SIL1: variants seen among roughly 807,000 people sequenced by gnomAD.
SIL1 encodes the protein nucleotide exchange factor SIL1.
In SIL1, 40 loss-of-function variants were observed where a neutral mutation model predicts 49.1. That is an observed-to-expected ratio of 0.81 (90% CI 0.63 to 1.06). The LOEUF is 1.06. Ranked by LOEUF, SIL1 falls within the 50% of genes least tolerant of loss-of-function variation. The pLI is 0.00. For synonymous variants in SIL1, 253 were observed against 250.8 expected, an observed-to-expected ratio of 1.01 and a Z score of -0.08; for missense variants, 500 against 572.6, an observed-to-expected ratio of 0.87 and a Z score of 1.29.
chr5:139,130,369 C>T (rs745721437), intron 1 of SIL1, among the ~76,000 whole-genome samples: 4 of 152,058 alleles, frequency 2.6e-5, no homozygotes, highest in Non-Finnish European at 2.9e-5. Context: ...AATAGGGACA[C>T]GAAAAGGTTC....
At chr5:139,011,249 C>G (rs535865065) in intron 7 of SIL1, among the ~76,000 whole-genome samples, 145 of 151,958 alleles carry the variant, frequency 9.5e-4, no homozygotes, top group African/African-American at 3.4e-3. Flanking sequence ...TCACCCCTTT[C>G]TTTGACTCGG....
chr5:139,099,224 TATCATCTCATCTCAC>T (rs1770534316), intron 3 of SIL1, among the ~76,000 whole-genome samples: 1 of 152,112 alleles, frequency 6.6e-6, no homozygotes, highest in Admixed American at 6.5e-5. Context: ...TACAATGAGA[TATCATCTCATCTCAC>T]CCCAGTTAAA....
At chr5:139,104,418 C>T (rs1434227005) in intron 3 of SIL1, among the ~76,000 whole-genome samples, 2 of 152,216 alleles carry the variant, frequency 1.3e-5, no homozygotes, top group African/African-American at 4.8e-5. Flanking sequence ...TCCCACTCTG[C>T]TCCCTACTCT....
intron 1 of SIL1, among the ~76,000 whole-genome samples, chr5:139,192,514 T>C (rs145700388): frequency 6.6e-6 from 1 of 152,176 alleles, no homozygotes; most frequent in Non-Finnish European, 1.5e-5. Flanking sequence ...TCTCTGTAGA[T>C]GTGAAATGTG....
intron 3 of SIL1, among the ~76,000 whole-genome samples, chr5:139,053,399 C>T (rs1769335368): frequency 6.6e-6 from 1 of 152,176 alleles, no homozygotes; most frequent in Non-Finnish European, 1.5e-5. Flanking sequence ...TGATCTGCGC[C>T]CTATCACAGC....
intron 7 of SIL1, among the ~76,000 whole-genome samples, chr5:138,958,650 T>C (rs570793117): frequency 7.2e-4 from 109 of 152,246 alleles, no homozygotes; most frequent in Non-Finnish European, 1.1e-3. Flanking sequence ...GAAATGTTCA[T>C]TGGAGCACTT....
At chr5:139,190,280 G>A (rs368679964) in intron 1 of SIL1, among the ~76,000 whole-genome samples, 6 of 152,142 alleles carry the variant, frequency 3.9e-5, no homozygotes, top group African/African-American at 1.4e-4. Flanking sequence ...AAACACACAA[G>A]TCTGGCCTGA....
intron 7 of SIL1, among the ~76,000 whole-genome samples, chr5:138,954,139 C>T (rs184636648): frequency 3.9e-4 from 59 of 152,328 alleles, no homozygotes; most frequent in African/African-American, 1.4e-3. Context: ...CCAGTCCCAC[C>T]CACTCTGTCC....
At chr5:138,957,483 C>G (rs1580981795) in intron 7 of SIL1, among the ~76,000 whole-genome samples, 2 of 150,884 alleles carry the variant, frequency 1.3e-5, no homozygotes, top group South Asian at 4.2e-4. Context: ...ACTCGGGAGG[C>G]TGAGGTAGGA....
chr5:139,164,845 G>A (rs554315298), intron 1 of SIL1, among the ~76,000 whole-genome samples: 1 of 152,288 alleles, frequency 6.6e-6, no homozygotes, highest in South Asian at 2.1e-4. Flanking sequence ...CCTACAAACA[G>A]TAAATTCTCA....
chr5:139,168,024 T>C (rs1751658980), intron 1 of SIL1, among the ~76,000 whole-genome samples: 1 of 152,204 alleles, frequency 6.6e-6, no homozygotes, highest in South Asian at 2.1e-4. Context: ...CTGTACCTTT[T>C]CTATGTTTAG....
At chr5:139,186,915 T>A (rs1207447208) in intron 1 of SIL1, among the ~76,000 whole-genome samples, 3 of 152,210 alleles carry the variant, frequency 2.0e-5, no homozygotes. Flanking sequence ...GAATGGAGCA[T>A]GTGAACTCAC....
At chr5:138,954,681 G>C (rs77169826) in intron 7 of SIL1, among the ~76,000 whole-genome samples, 1 of 152,218 alleles carries the variant, frequency 6.6e-6, no homozygotes, top group Non-Finnish European at 1.5e-5. Context: ...AGACCCTCTC[G>C]CCAGTCAGCT....
chr5:138,949,315 G>C (rs950762661), intron 9 of SIL1, among the ~76,000 whole-genome samples: 1 of 152,158 alleles, frequency 6.6e-6, no homozygotes, highest in Admixed American at 6.5e-5. Context: ...GTACATATGA[G>C]GACTGCCTGG....
At chr5:139,089,000 A>C (rs1770285996) in intron 3 of SIL1, among the ~76,000 whole-genome samples, 1 of 152,150 alleles carries the variant, frequency 6.6e-6, no homozygotes, top group South Asian at 2.1e-4. Context: ...CTTCAGGAGA[A>C]CCCAACCCAC....
At chr5:139,195,077 C>CATG (rs1419197873) in intron 1 of SIL1, among the ~76,000 whole-genome samples, 5 of 152,134 alleles carry the variant, frequency 3.3e-5, no homozygotes, top group Non-Finnish European at 7.4e-5. Context: ...GGATTACAGG[C>CATG]ATGCGCCACC....
intron 7 of SIL1, among the ~76,000 whole-genome samples, chr5:139,005,749 A>C (rs1768104085): frequency 1.9e-5 from 1 of 53,202 alleles, no homozygotes; most frequent in Non-Finnish European, 3.5e-5. Context: ...GATGATTTCC[A>C]ATTTCATCCA....
rs73267474 is a variant in SIL1, at chr5:139,126,764, C to T, written c.105+975G>A. Among the ~76,000 whole-genome samples, 952 of 152,342 alleles carry T rather than the reference C, an allele frequency of 6.2e-3. 9 individuals are homozygous for T. Among genetic ancestry groups the T allele is most frequent in the African/African-American group, 0.021 (855 of 41,584 alleles). On this transcript the variant is annotated intron_variant, in intron 2 of 9. Transcript: ENST00000394817. The stretch of plus-strand genomic sequence containing the variant: ...AATGATTTCAGAGAGAAGGTGGAAG[C>T]TTGCCATGAGCCAGAGGTGAACCAC...
At chr5:138,988,857 C>T (rs909524196) in intron 7 of SIL1, among the ~76,000 whole-genome samples, 4 of 152,016 alleles carry the variant, frequency 2.6e-5, no homozygotes, top group East Asian at 1.9e-4. Context: ...TGGGTGAGAG[C>T]GAGACCGTAT....
Sources: allele counts gnomAD v4.1 joint callset (sites outside exome capture counted in the v4.1 genomes callset), GRCh38; gene constraint gnomAD v4.1.1; transcripts MANE v1.5; gene names NCBI Gene and HGNC (gene_info 2026-07-23, HGNC 2026-07-21).